XKR3: variants seen among roughly 807,000 people sequenced by gnomAD.
XKR3 encodes the protein XK-related protein 3.
In XKR3, 27 loss-of-function variants were observed where a neutral mutation model predicts 40.3. The ratio of observed to expected loss-of-function variants is 0.67; its 90% CI spans 0.49 to 0.92. The LOEUF (loss-of-function observed/expected upper bound fraction) is 0.92. Among genes scored for constraint, XKR3 ranks in the 40% least tolerant of loss-of-function variants. The pLI is 0.00. For synonymous variants in XKR3, 193 were observed against 195.4 expected (o/e 0.99, Z 0.10); for missense variants, 472 against 537.6 (o/e 0.88, Z 1.21).
intron 3 of XKR3, among the ~76,000 whole-genome samples, chr22:16,793,223 G>A (rs2060127694): frequency 6.6e-6 from 1 of 152,152 alleles, no homozygotes; most frequent in South Asian, 2.1e-4. Flanking sequence ...TGTTGGCCAG[G>A]CTGGTCTCTA....
At chr22:16,815,794 CA>C (rs1490827136) in intron 1 of XKR3, among the ~76,000 whole-genome samples, 5 of 151,826 alleles carry the variant, frequency 3.3e-5, no homozygotes, top group Non-Finnish European at 7.4e-5. Context: ...TGTGATTTGT[CA>C]ATATAAATAA....
chr22:16,815,379 T>G (rs1170254290), intron 1 of XKR3, among the ~76,000 whole-genome samples: 1 of 152,068 alleles, frequency 6.6e-6, no homozygotes, highest in Non-Finnish European at 1.5e-5. Context: ...TTTGTCTGTA[T>G]TCATGAAATA....
chr22:16,796,376 CA>C (rs1482341227), intron 3 of XKR3, among the ~76,000 whole-genome samples: 2 of 152,164 alleles, frequency 1.3e-5, no homozygotes, highest in African/African-American at 4.8e-5. Flanking sequence ...AGCCCAGCAT[CA>C]GCCTGATACC....
chr22:16,785,894 C>A (rs1288062184), intron 3 of XKR3, among the ~76,000 whole-genome samples: 1 of 152,056 alleles, frequency 6.6e-6, no homozygotes, highest in African/African-American at 2.4e-5. Context: ...ACTCTTCATA[C>A]ACAATGAACT....
chr22:16,795,266 A>G (rs1317222598), intron 3 of XKR3, among the ~76,000 whole-genome samples: 1 of 152,242 alleles, frequency 6.6e-6, no homozygotes, highest in East Asian at 1.9e-4. Context: ...TCAAAATACA[A>G]AAATACAGGG....
intron 3 of XKR3, among the ~76,000 whole-genome samples, chr22:16,795,648 T>G (rs375452720): frequency 2.6e-5 from 4 of 151,824 alleles, no homozygotes; most frequent in African/African-American, 9.7e-5. Context: ...AATAAATGGA[T>G]AGTGTGCTAC....
intron 1 of XKR3, 117 bp from the exon 2 acceptor site, chr22:16,808,200 A>ATC: frequency 1.4e-6 from 1 of 701,632 alleles, no homozygotes; most frequent in Non-Finnish European, 2.3e-6. Flanking sequence ...ACAGGTAGAT[A>ATC]TGGATCACTA....
At position 16,783,834 on chromosome 22, in the gene XKR3, C is replaced by A. The variant is rs202172284; in HGVS notation, c.1165G>T (p.Ala389Ser). The change falls in exon 4 of 4, where the codon GCC (alanine) becomes TCC (serine). Residue 389 changes from alanine (A) to serine (S), a missense_variant. By Grantham distance (99) the Ala-to-Ser change is moderately conservative. Transcript: ENST00000684488. ...TAGAAGAGGAGCATAAAGCCAGTGG[C>A]CAATAGGTAGCTTATGATGAGCTGC... is the stretch of plus-strand genomic sequence containing the variant. ...AVQLIISYLL[A>S]TGFMLLFYQY... 463 of 1,614,130 alleles carry A rather than the reference C, an allele frequency of 2.9e-4. No homozygotes were observed. The highest frequency in any genetic ancestry group is 4.7e-4 in the Admixed American group (28 of 60,010).
Position 16,784,117 on chromosome 22 carries a change from T to C in XKR3, c.882A>G (p.Lys294=), listed in dbSNP as rs1302247715. 6.2e-7 allele frequency: 1 copy of C among 1,614,196 alleles called. No individual in the cohort carries two copies. Among genetic ancestry groups the C allele is most frequent in the Non-Finnish European group, 8.5e-7 (1 of 1,180,038 alleles). The change falls in exon 4 of 4, where the codon AAA becomes AAG. Residue 294 remains lysine (K), a synonymous_variant. Coordinates refer to ENST00000684488, the MANE Select transcript of XKR3 (RefSeq NM_001386955.1). ...TACCCACCATATTGGAATTATTTTC[T>C]TTGTTGCCAGGAAGATGAGCTCCAC... ...WKSGAHLPGN[K]ENNSNMVGTV...
intron 1 of XKR3, among the ~76,000 whole-genome samples, chr22:16,812,001 T>G (rs1217093511): frequency 6.6e-6 from 1 of 152,040 alleles, no homozygotes; most frequent in Non-Finnish European, 1.5e-5. Flanking sequence ...AGAGCAAGAC[T>G]CTGTCTCAAA....
chr22:16,804,629 C>A (rs1248474505), intron 2 of XKR3, among the ~76,000 whole-genome samples: 1 of 151,990 alleles, frequency 6.6e-6, no homozygotes, highest in African/African-American at 2.4e-5. Flanking sequence ...TTCAAAAGAA[C>A]CTTGGTCTCC....
chr22:16,791,707 G>A (rs1250134491), intron 3 of XKR3, among the ~76,000 whole-genome samples: 43 of 147,850 alleles, frequency 2.9e-4, no homozygotes, highest in African/African-American at 1.0e-3. Flanking sequence ...AAGGAGGCAG[G>A]GGGGAGAGAG....
chr22:16,818,455 A>G (rs1290257173), intron 1 of XKR3, among the ~76,000 whole-genome samples: 4 of 152,168 alleles, frequency 2.6e-5, no homozygotes, highest in Admixed American at 6.6e-5. Flanking sequence ...TGAATCTCCA[A>G]TAGGCACAGA....
chr22:16,808,881 T>G, intron 1 of XKR3, among the ~76,000 whole-genome samples: 1 of 152,294 alleles, frequency 6.6e-6, no homozygotes, highest in Non-Finnish European at 1.5e-5. Context: ...AATATTAAAA[T>G]GAAATTGTTT....
chr22:16,786,871 C>T (rs1375603419), intron 3 of XKR3, among the ~76,000 whole-genome samples: 24 of 152,042 alleles, frequency 1.6e-4, no homozygotes, highest in African/African-American at 3.1e-4. Context: ...GGATCAATGA[C>T]GAGAACATCA....
At chr22:16,809,951 C>T (rs1426160396) in intron 1 of XKR3, among the ~76,000 whole-genome samples, 1 of 152,158 alleles carries the variant, frequency 6.6e-6, no homozygotes, top group Non-Finnish European at 1.5e-5. Flanking sequence ...AGGGTCTCTT[C>T]ATATTGCCCA....
chr22:16,784,535 A>G lies in XKR3; in HGVS notation c.590-126T>C, dbSNP rs2060081965. On this transcript the variant is annotated intron_variant, in intron 3 of 3. Coordinates refer to ENST00000684488, the MANE Select transcript of XKR3 (RefSeq NM_001386955.1). ...ACCTCCTTTAGAAAATCATTTACTTATAAAAAGAAAGGTTTGTTAATCTTC... is the reference window on the plus strand; with the variant it reads ...ACCTCCTTTAGAAAATCATTTACTTGTAAAAAGAAAGGTTTGTTAATCTTC... The G allele has an allele frequency of 3.2e-6, 3 of 929,644 alleles. No homozygotes were observed. The East Asian group carries it at 8.0e-5, about 25-fold the overall frequency. The allele number at this position is 929,644 out of a possible 1,614,324, so 57.6% of individuals were successfully genotyped here.
intron 2 of XKR3, among the ~76,000 whole-genome samples, chr22:16,800,515 A>G (rs1404720806): frequency 6.6e-6 from 1 of 152,212 alleles, no homozygotes; most frequent in Admixed American, 6.5e-5. Flanking sequence ...TTTCATTGGA[A>G]CATATTTTGA....
intron 3 of XKR3, among the ~76,000 whole-genome samples, chr22:16,791,342 G>C: frequency 6.6e-6 from 1 of 151,772 alleles, no homozygotes; most frequent in Non-Finnish European, 1.5e-5. Context: ...TGTGGATATA[G>C]AGAGTGAAAC....
Sources: allele counts gnomAD v4.1 joint callset (sites outside exome capture counted in the v4.1 genomes callset), GRCh38; gene constraint gnomAD v4.1.1; transcripts MANE v1.5; gene names NCBI Gene and HGNC (gene_info 2026-07-23, HGNC 2026-07-21).